Variants in ZNF285 observed in about 807,000 individuals in gnomAD.
ZNF285 encodes the protein zinc finger protein 285A.
ZNF285 carries 4 observed loss-of-function variants against 6.2 expected under a neutral mutation model. That is an observed-to-expected ratio of 0.65 (90% CI 0.32 to 1.49). The LOEUF (loss-of-function observed/expected upper bound fraction) is 1.49. Ranked by LOEUF, ZNF285 falls within the 40% of genes most tolerant of loss-of-function variation. The pLI is 0.07. For synonymous variants in ZNF285, 240 were observed against 245.8 expected (o/e 0.98, Z 0.22); for missense variants, 695 against 708.8 (o/e 0.98, Z 0.22).
At position 44,399,806 on chromosome 19, in the gene ZNF285, A is replaced by G. The variant is rs572145690; in HGVS notation, c.-44+1762T>C. ...GTTGGCTCGGGGTAAGGAAATCACA[A>G]TGGATAAGGCTCTATCCTGGGGAGT... On this transcript the variant is annotated intron_variant, in intron 1 of 3. Transcript: ENST00000614994. Among the ~76,000 whole-genome samples, 10 of 151,968 alleles carry G rather than the reference A, an allele frequency of 6.6e-5. No homozygotes were observed. In the East Asian group the frequency reaches 7.8e-4, roughly 12 times the overall value.
chr19:44,398,832 A>G (rs1971327987), intron 1 of ZNF285, among the ~76,000 whole-genome samples: 1 of 152,096 alleles, frequency 6.6e-6, no homozygotes, highest in African/African-American at 2.4e-5. Context: ...AGATTAAAAA[A>G]CAAAAGCCCA....
Position 44,387,260 on chromosome 19 carries a change from A to G in ZNF285, c.985T>C (p.Ser329Pro). The change falls in exon 4 of 4, where the codon TCT (serine) becomes CCT (proline). Residue 329 changes from serine to proline, a missense_variant. By Grantham distance (74) the Ser-to-Pro change is moderately conservative. Coordinates refer to ENST00000614994, the MANE Select transcript of ZNF285 (RefSeq NM_152354.6). ...ACTCGATGATGGTTGTGAAGGGAAG[A>G]GCTGCGCCTGAAGCCCTTGCCACAT... ...KECGKGFRRS[S>P]SLHNHHRVHT... 1 of 1,614,096 alleles carries G rather than the reference A, an allele frequency of 6.2e-7. No individual in the cohort carries two copies. The highest frequency in any genetic ancestry group is 8.5e-7 in the Non-Finnish European group (1 of 1,180,002).
In ZNF285 at chr19:44,385,269, A is replaced by G. The variant is rs1971051700; in HGVS notation, c.*1203T>C. On this transcript the variant is annotated 3_prime_UTR_variant, in exon 4 of 4. Coordinates refer to ENST00000614994, the MANE Select transcript of ZNF285 (RefSeq NM_152354.6). ...AGAACACCTATTCTAGTTAATTTTT[A>G]ATCGCATTTAAGGTGTGAGCTGACA... The G allele has an allele frequency of 6.6e-6, 1 of 152,230 alleles. No individual in the cohort carries two copies. Among genetic ancestry groups the G allele is most frequent in the African/African-American group, 2.4e-5 (1 of 41,460 alleles). The allele number at this position is 152,230 out of a possible 1,614,324, so 9.4% of individuals were successfully genotyped here. A position where few individuals can be genotyped will look rare whatever the true frequency, so the allele number is the denominator to read the frequency against.
At chr19:44,392,850 C>T (rs938819478) in intron 2 of ZNF285, among the ~76,000 whole-genome samples, 13 of 152,226 alleles carry the variant, frequency 8.5e-5, no homozygotes, top group African/African-American at 1.7e-4. Context: ...TGTGCTGATA[C>T]ACAAGTCTAG....
chr19:44,387,976 T>C lies in ZNF285; in HGVS notation c.269A>G (p.Tyr90Cys), dbSNP rs1971125910. 1.9e-6 allele frequency: 3 copies of C among 1,614,070 alleles called. No homozygotes were observed. The highest frequency in any genetic ancestry group is 8.5e-7 in the Non-Finnish European group (1 of 1,180,020). ...ACACTCTTCTTGAAGGTTCACGATA[T>C]AATCCTGACTCACAGTTAAATCCCG... ...RIRDLTVSQD[Y>C]IVNLQEECSP... Residue 90 changes from tyrosine (Y) to cysteine (C), a missense_variant, in exon 4 of 4, where the codon TAT becomes TGT. Tyr to Cys is a radical substitution (Grantham distance 194). Transcript: ENST00000614994.
intron 3 of ZNF285, among the ~76,000 whole-genome samples, chr19:44,391,499 G>A (rs1286861780): frequency 1.3e-5 from 2 of 152,072 alleles, no homozygotes; most frequent in Non-Finnish European, 2.9e-5. Context: ...TCACAATCAT[G>A]GCAGAAGGTG....
At chr19:44,389,699 G>A (rs1971161390) in intron 3 of ZNF285, among the ~76,000 whole-genome samples, 1 of 152,184 alleles carries the variant, frequency 6.6e-6, no homozygotes. Flanking sequence ...AGTTACATAT[G>A]TAAATATGTG....
intron 2 of ZNF285, among the ~76,000 whole-genome samples, chr19:44,393,386 A>C (rs1428789192): frequency 6.6e-6 from 1 of 152,180 alleles, no homozygotes; most frequent in Non-Finnish European, 1.5e-5. Flanking sequence ...TCTGGTATTA[A>C]TAACCATCTC....
intron 2 of ZNF285, among the ~76,000 whole-genome samples, chr19:44,395,077 T>C (rs768201592): frequency 3.3e-5 from 5 of 152,156 alleles, no homozygotes; most frequent in Non-Finnish European, 7.3e-5. Flanking sequence ...TCCACCACCC[T>C]TGTAGCTGGA....
At chr19:44,388,959 G>T (rs1213308433) in intron 3 of ZNF285, among the ~76,000 whole-genome samples, 1 of 143,688 alleles carries the variant, frequency 7.0e-6, no homozygotes, top group African/African-American at 2.9e-5. Context: ...ATTGAAATGG[G>T]GTAAACATTG....
At chr19:44,388,509 T>A (rs62116774) in intron 3 of ZNF285, among the ~76,000 whole-genome samples, 291 of 151,960 alleles carry the variant, frequency 1.9e-3, no homozygotes, top group Non-Finnish European at 3.6e-3. Context: ...GAGGCACAGG[T>A]TGCAGTGAGC....
In ZNF285 at chr19:44,387,087, G is replaced by C; in HGVS notation, c.1158C>G (p.Asn386Lys). The C allele has an allele frequency of 6.2e-7, 1 of 1,614,136 alleles. No homozygotes were observed. Among genetic ancestry groups the C allele is most frequent in the Non-Finnish European group, 8.5e-7 (1 of 1,180,018 alleles). The change falls in exon 4 of 4, where the codon AAC (asparagine) becomes AAG (lysine). Residue 386 changes from asparagine to lysine, a missense_variant. Transcript: ENST00000614994. ...TGTGGACTCTCTGATGGACAAGAAG[G>C]TTGGAGCTCTGATCAAAGCCCTTCC... ...ECGKGFDQSS[N>K]LLVHQRVHTG...
chr19:44,395,642 G>A (rs552470738), intron 2 of ZNF285, among the ~76,000 whole-genome samples: 2 of 152,238 alleles, frequency 1.3e-5, no homozygotes, highest in East Asian at 1.9e-4. Context: ...TACACAGAGA[G>A]TGTGGTAAGT....
intron 2 of ZNF285, among the ~76,000 whole-genome samples, chr19:44,394,118 A>G (rs1971240989): frequency 6.6e-6 from 1 of 152,076 alleles, no homozygotes. Flanking sequence ...GTAGGGACAT[A>G]GATGAAACTG....
At chr19:44,399,924 G>A (rs962871958) in intron 1 of ZNF285, among the ~76,000 whole-genome samples, 1 of 151,778 alleles carries the variant, frequency 6.6e-6, no homozygotes, top group Non-Finnish European at 1.5e-5. Flanking sequence ...GTGTGGCCAG[G>A]GCCACCCAAA....
At position 44,393,479 on chromosome 19, in the gene ZNF285, T is replaced by C. The variant is rs1221292914; in HGVS notation, c.16-1013A>G. Among the ~76,000 whole-genome samples, 6 of 152,272 alleles carry C rather than the reference T, an allele frequency of 3.9e-5. No homozygotes were observed. In the East Asian group the frequency reaches 9.6e-4, roughly 24 times the overall value. ...TTCACCCACTTTTTGATGGGGTTGT[T>C]TTTTTCTTGTAAATTTGTTTGAGTT... On this transcript the variant is annotated intron_variant, in intron 2 of 3. Transcript: ENST00000614994.
chr19:44,397,265 A>C lies in ZNF285; in HGVS notation c.-43-9T>G. ...ATTCTGGAAAAGCAGAACTGCAAAGAAGAAATAATCCATGAGATCATGGGT... is the reference window on the plus strand; with the variant it reads ...ATTCTGGAAAAGCAGAACTGCAAAGCAGAAATAATCCATGAGATCATGGGT... On this transcript the variant is annotated splice_polypyrimidine_tract_variant and intron_variant, in intron 1 of 3. Coordinates refer to ENST00000614994, the MANE Select transcript of ZNF285 (RefSeq NM_152354.6). The C allele has an allele frequency of 6.2e-7, 1 of 1,613,826 alleles. No homozygotes were observed.
chr19:44,391,717 G>A (rs1050578345), intron 3 of ZNF285, among the ~76,000 whole-genome samples: 4 of 152,054 alleles, frequency 2.6e-5, no homozygotes, highest in South Asian at 2.1e-4. Flanking sequence ...AATTCAAGAC[G>A]AGACTTGGGT....
chr19:44,382,359 T>C lies in ZNF285; in HGVS notation c.*4113A>G, dbSNP rs953146000. 5.7e-5 allele frequency: 8 copies of C among 139,724 alleles called. No homozygotes were observed. Among genetic ancestry groups the C allele is most frequent in the African/African-American group, 1.6e-4 (6 of 38,072 alleles). 8.7% of individuals were successfully genotyped at this position (139,724 alleles called of 1,614,324 possible). A position where few individuals can be genotyped will look rare whatever the true frequency, so the allele number is the denominator to read the frequency against. Reference sequence around the variant, plus strand: ...TGTCGCCTGGGCTGGAGTGCAGTGGTGCGATCTTGGCTCATTGCAACCTCC... The same window carrying C: ...TGTCGCCTGGGCTGGAGTGCAGTGGCGCGATCTTGGCTCATTGCAACCTCC... On this transcript the variant is annotated 3_prime_UTR_variant, in exon 4 of 4. Transcript: ENST00000614994.
Sources: allele counts gnomAD v4.1 joint callset (sites outside exome capture counted in the v4.1 genomes callset), GRCh38; gene constraint gnomAD v4.1.1; transcripts MANE v1.5; gene names NCBI Gene and HGNC (gene_info 2026-07-23, HGNC 2026-07-21).